The following ADAMTSL1 variants were observed in gnomAD, a reference collection of about 807,000 sequenced individuals.
ADAMTSL1 encodes ADAMTS like 1, also known as ADAMTS-like protein 1.
Under a neutral mutation model 201.8 loss-of-function variants are expected in ADAMTSL1, and 126 were observed. That is an observed-to-expected ratio of 0.62 (90% confidence interval 0.54 to 0.72). The LOEUF is 0.72. Ranked by LOEUF, ADAMTSL1 falls within the 30% of genes least tolerant of loss-of-function variation. The pLI, the probability that ADAMTSL1 is intolerant of heterozygous loss-of-function variation, is 0.00. For missense variants in ADAMTSL1, 2,679 were observed against 2,277.8 expected (o/e 1.18, Z -3.59); for synonymous variants, 1,121 against 903.4 (o/e 1.24, Z -4.32).
At chr9:18,686,094 T>A (rs1179836465) in intron 13 of ADAMTSL1, among the ~76,000 whole-genome samples, 1 of 151,722 alleles carries the variant, frequency 6.6e-6, no homozygotes, top group African/African-American at 2.4e-5. Flanking sequence ...ATGTTTTTAA[T>A]TTTTTTTGCA....
chr9:17,970,896 C>T (rs534646031), intron 1 of ADAMTSL1, among the ~76,000 whole-genome samples: 13 of 152,112 alleles, frequency 8.5e-5, no homozygotes, highest in Admixed American at 8.5e-4. Flanking sequence ...CTAGCACAGA[C>T]CTTGGAGCAC....
At chr9:18,209,182 TTGTTA>T (rs1427215958) in intron 2 of ADAMTSL1, among the ~76,000 whole-genome samples, 5 of 152,304 alleles carry the variant, frequency 3.3e-5, no homozygotes, top group African/African-American at 1.2e-4. Flanking sequence ...TCTGAAATGT[TTGTTA>T]TATGTTTTGC....
chr9:18,596,041 C>G (rs1021393089), intron 4 of ADAMTSL1, among the ~76,000 whole-genome samples: 3 of 152,154 alleles, frequency 2.0e-5, no homozygotes, highest in African/African-American at 2.4e-5. Context: ...ACCTCCTATT[C>G]TGCTATCTTG....
At chr9:18,446,181 A>G (rs1412118309) in intron 2 of ADAMTSL1, among the ~76,000 whole-genome samples, 51 of 152,200 alleles carry the variant, frequency 3.4e-4, no homozygotes, top group Admixed American at 3.3e-3. Flanking sequence ...AAAAGGAAAA[A>G]AGAAACTCCA....
chr9:18,110,175 C>A (rs1824942474), intron 1 of ADAMTSL1, among the ~76,000 whole-genome samples: 2 of 152,278 alleles, frequency 1.3e-5, no homozygotes, highest in African/African-American at 4.8e-5. Flanking sequence ...TGCCTGAGGG[C>A]TCCATTTCTC....
At chr9:18,320,716 G>C (rs572499305) in intron 2 of ADAMTSL1, among the ~76,000 whole-genome samples, 2 of 152,256 alleles carry the variant, frequency 1.3e-5, no homozygotes, top group East Asian at 3.9e-4. Flanking sequence ...CAAAGGATGA[G>C]AGAGGTTAAT....
At chr9:18,293,170 G>T (rs1412943115) in intron 2 of ADAMTSL1, among the ~76,000 whole-genome samples, 5 of 152,150 alleles carry the variant, frequency 3.3e-5, no homozygotes, top group African/African-American at 1.2e-4. Flanking sequence ...CACCACTGAT[G>T]GGCACCTAGG....
intron 23 of ADAMTSL1, among the ~76,000 whole-genome samples, chr9:18,877,900 C>T (rs767775170): frequency 4.6e-5 from 7 of 152,154 alleles, no homozygotes; most frequent in Non-Finnish European, 8.8e-5. Context: ...CAGGTGGGTG[C>T]AGGGTTAGGC....
At chr9:18,168,596 G>T (rs1015062319) in intron 2 of ADAMTSL1, among the ~76,000 whole-genome samples, 82 of 151,212 alleles carry the variant, frequency 5.4e-4, no homozygotes, top group Non-Finnish European at 8.1e-4. Flanking sequence ...ACGTGTGCCT[G>T]TGTCTTTATA....
chr9:18,770,458 T>C, intron 16 of ADAMTSL1, 144 bp from the exon 17 acceptor site: 1 of 826,472 alleles, frequency 1.2e-6, no homozygotes, highest in Non-Finnish European at 1.8e-6. Flanking sequence ...AGAAACAAAA[T>C]CCTTTGGGCC....
At chr9:18,616,660 C>G (rs1029974110) in intron 4 of ADAMTSL1, among the ~76,000 whole-genome samples, 3 of 152,086 alleles carry the variant, frequency 2.0e-5, no homozygotes, top group Non-Finnish European at 4.4e-5. Context: ...AAGCTCAAAT[C>G]CAGATGTGAC....
At chr9:18,484,062 T>C (rs1203933492) in intron 1 of ADAMTSL1, among the ~76,000 whole-genome samples, 1 of 152,220 alleles carries the variant, frequency 6.6e-6, no homozygotes, top group Non-Finnish European at 1.5e-5. Context: ...GTAGCACGTC[T>C]CTGAGAAGTG....
chr9:18,035,343 T>C (rs1821149767), intron 1 of ADAMTSL1, among the ~76,000 whole-genome samples: 1 of 152,178 alleles, frequency 6.6e-6, no homozygotes, highest in African/African-American at 2.4e-5. Context: ...TCAATTGAAG[T>C]GGACCTATCG....
At chr9:18,506,869 A>G (rs1180267606) in intron 2 of ADAMTSL1, among the ~76,000 whole-genome samples, 1 of 152,180 alleles carries the variant, frequency 6.6e-6, no homozygotes, top group Non-Finnish European at 1.5e-5. Context: ...GAAGAAAAAA[A>G]GCCTCCAAAT....
chr9:18,631,631 C>A (rs1419538891), intron 5 of ADAMTSL1, among the ~76,000 whole-genome samples: 1 of 152,150 alleles, frequency 6.6e-6, no homozygotes, highest in Admixed American at 6.6e-5. Context: ...AAAATATTAT[C>A]CTCATCACCT....
intron 21 of ADAMTSL1, among the ~76,000 whole-genome samples, chr9:18,819,819 G>T (rs1194365997): frequency 2.6e-5 from 4 of 152,232 alleles, no homozygotes; most frequent in African/African-American, 9.6e-5. Context: ...TTCAAAGTAG[G>T]TGGGAAAGAG....
intron 1 of ADAMTSL1, among the ~76,000 whole-genome samples, chr9:18,100,016 A>T (rs149161487): frequency 6.6e-6 from 1 of 151,902 alleles, no homozygotes; most frequent in Admixed American, 6.6e-5. Context: ...ATTCTTCTTA[A>T]TTTTTTTCTA....
At chr9:18,707,454 C>A (rs1328109584) in intron 14 of ADAMTSL1, among the ~76,000 whole-genome samples, 1 of 152,218 alleles carries the variant, frequency 6.6e-6, no homozygotes, top group African/African-American at 2.4e-5. Flanking sequence ...CTCCGATGTA[C>A]TCAGCTGATT....
At chr9:18,081,269 G>A (rs958391421) in intron 1 of ADAMTSL1, among the ~76,000 whole-genome samples, 10 of 152,098 alleles carry the variant, frequency 6.6e-5, no homozygotes, top group Non-Finnish European at 1.2e-4. Context: ...TAGTGTGTAT[G>A]CTATGTATCC....
Sources: allele counts gnomAD v4.1 joint callset (sites outside exome capture counted in the v4.1 genomes callset), GRCh38; gene constraint gnomAD v4.1.1; transcripts MANE v1.5; gene names NCBI Gene and HGNC (gene_info 2026-07-23, HGNC 2026-07-21).